Variants in SCAPER observed in about 807,000 individuals in gnomAD.
SCAPER encodes the protein S phase cyclin A-associated protein in the endoplasmic reticulum.
A neutral mutation model predicts 182.2 loss-of-function variants in SCAPER; 98 were observed. That is an observed-to-expected ratio of 0.54 (90% CI 0.46 to 0.64). The LOEUF is 0.64. SCAPER is among the 30% of genes least tolerant of loss of function. The pLI, the probability that SCAPER is intolerant of heterozygous loss-of-function variation, is 0.00. For synonymous variants in SCAPER, 605 were observed against 564.6 expected, an observed-to-expected ratio of 1.07 and a Z score of -1.01; for missense variants, 1,432 against 1,690.0, an observed-to-expected ratio of 0.85 and a Z score of 2.68.
rs2072337886 is a variant in SCAPER, at chr15:76,866,877, C to T, written c.7-4344G>A. On this transcript the variant is annotated intron_variant, in intron 2 of 31. Transcript: ENST00000563290. Reference sequence around the variant, plus strand: ...GTTCTTTTCTCACAGGAGTCTTCAACAAAATATGTGTATTTTCATCCAAAG... The same window carrying T: ...GTTCTTTTCTCACAGGAGTCTTCAATAAAATATGTGTATTTTCATCCAAAG... Among the ~76,000 whole-genome samples, 5 of 151,968 alleles carry T rather than the reference C, an allele frequency of 3.3e-5. No individual in the cohort carries two copies. In the South Asian group the frequency reaches 1.0e-3, roughly 31 times the overall value.
chr15:76,549,917 GTA>G (rs2045615794), intron 23 of SCAPER, among the ~76,000 whole-genome samples: 1 of 152,056 alleles, frequency 6.6e-6, no homozygotes, highest in African/African-American at 2.4e-5. Context: ...TTTTTGAAGA[GTA>G]TCTCAAAAAC....
chr15:76,876,977 T>A (rs1239469608), intron 2 of SCAPER, among the ~76,000 whole-genome samples: 3 of 152,180 alleles, frequency 2.0e-5, no homozygotes, highest in Non-Finnish European at 4.4e-5. Context: ...GGCTCACAAC[T>A]GTAATCCCAA....
chr15:76,504,801 T>C lies in SCAPER; in HGVS notation c.2954+58A>G, dbSNP rs2041437377. The C allele has an allele frequency of 8.0e-6, 11 of 1,378,308 alleles. No individual in the cohort carries two copies. In the Middle Eastern group the frequency reaches 7.2e-4, roughly 91 times the overall value. The allele number at this position is 1,378,308 out of a possible 1,614,324, so 85.4% of individuals were successfully genotyped here. A position where few individuals can be genotyped will look rare whatever the true frequency, so the allele number is the denominator to read the frequency against. ...CTTGTGGTTCTCCATATGGAAACCA[T>C]AGGGCAGAAATGACTCACAAATGAA... On this transcript the variant is annotated intron_variant, in intron 24 of 31. Coordinates refer to ENST00000563290, the MANE Select transcript of SCAPER (RefSeq NM_020843.4).
intron 15 of SCAPER, among the ~76,000 whole-genome samples, chr15:76,742,772 G>GA (rs962238273): frequency 3.3e-5 from 5 of 151,146 alleles, no homozygotes; most frequent in Admixed American, 2.6e-4. Flanking sequence ...AGCATACATG[G>GA]AAAAAAAACA....
intron 23 of SCAPER, among the ~76,000 whole-genome samples, chr15:76,567,567 T>C (rs1180305838): frequency 6.6e-6 from 1 of 152,202 alleles, no homozygotes; most frequent in Non-Finnish European, 1.5e-5. Context: ...ATTTTTGTCA[T>C]TCTGATAAGT....
chr15:76,809,041 C>A (rs2066397715), intron 5 of SCAPER, among the ~76,000 whole-genome samples: 1 of 152,066 alleles, frequency 6.6e-6, no homozygotes, highest in Non-Finnish European at 1.5e-5. Flanking sequence ...ACTTGGCATA[C>A]CCTAATCTGG....
At chr15:76,574,982 C>T (rs914417708) in intron 22 of SCAPER, among the ~76,000 whole-genome samples, 2 of 152,118 alleles carry the variant, frequency 1.3e-5, no homozygotes, top group Non-Finnish European at 2.9e-5. Flanking sequence ...TATATATCAT[C>T]CCCGTTGCCT....
At chr15:76,775,428 T>C (rs2063691664) in intron 8 of SCAPER, among the ~76,000 whole-genome samples, 1 of 152,176 alleles carries the variant, frequency 6.6e-6, no homozygotes, top group Non-Finnish European at 1.5e-5. Context: ...ATATTATATC[T>C]CTTTTAATCT....
chr15:76,443,750 T>A (rs206205), intron 25 of SCAPER, among the ~76,000 whole-genome samples: 4 of 152,024 alleles, frequency 2.6e-5, no homozygotes, highest in African/African-American at 9.7e-5. Context: ...CCAGCTCAGC[T>A]GCAGACAAGA....
intron 22 of SCAPER, among the ~76,000 whole-genome samples, chr15:76,608,711 A>T (rs2050695023): frequency 6.6e-6 from 1 of 152,092 alleles, no homozygotes; most frequent in African/African-American, 2.4e-5. Context: ...TCAAACAACT[A>T]ATTCGGCAAT....
intron 24 of SCAPER, among the ~76,000 whole-genome samples, chr15:76,478,693 A>G (rs1171709024): frequency 6.6e-6 from 1 of 152,122 alleles, no homozygotes; most frequent in Non-Finnish European, 1.5e-5. Flanking sequence ...TCCTTTCTCC[A>G]CTGGTTTGAA....
intron 21 of SCAPER, among the ~76,000 whole-genome samples, chr15:76,648,273 G>T (rs1312935336): frequency 6.7e-6 from 1 of 150,312 alleles, no homozygotes; most frequent in Admixed American, 6.6e-5. Flanking sequence ...TATAACACAT[G>T]AAATAAAAAC....
At chr15:76,583,141 A>G (rs1212762392) in intron 22 of SCAPER, among the ~76,000 whole-genome samples, 1 of 152,136 alleles carries the variant, frequency 6.6e-6, no homozygotes, top group Non-Finnish European at 1.5e-5. Flanking sequence ...TCACGAGGTC[A>G]GGAGTTTGAG....
chr15:76,404,770 G>A, intron 26 of SCAPER, 91 bp from the exon 27 acceptor site: 1 of 1,312,922 alleles, frequency 7.6e-7, no homozygotes, highest in South Asian at 1.6e-5. Context: ...CACAGGCTTG[G>A]ACCCCTCAAA....
chr15:76,588,312 T>C (rs970308581), intron 22 of SCAPER, among the ~76,000 whole-genome samples: 55 of 152,334 alleles, frequency 3.6e-4, no homozygotes, highest in African/African-American at 1.2e-3. Context: ...TTGTGATATT[T>C]TCCTGTTGTA....
At chr15:76,887,023 A>AG (rs1158011232) in intron 1 of SCAPER, among the ~76,000 whole-genome samples, 1 of 152,154 alleles carries the variant, frequency 6.6e-6, no homozygotes, top group African/African-American at 2.4e-5. Context: ...GGGAGGAGGG[A>AG]GGGGGTGAGG....
chr15:76,623,497 T>C (rs2052290814), intron 21 of SCAPER, among the ~76,000 whole-genome samples: 2 of 152,196 alleles, frequency 1.3e-5, no homozygotes, highest in African/African-American at 4.8e-5. Flanking sequence ...ATTTATTAAA[T>C]GGGGAGTCCT....
intron 27 of SCAPER, among the ~76,000 whole-genome samples, chr15:76,392,713 T>G (rs1057025749): frequency 1.4e-4 from 22 of 152,212 alleles, no homozygotes; most frequent in Non-Finnish European, 1.5e-5. Flanking sequence ...ATCACTCTTC[T>G]GCACGCTGCC....
chr15:76,608,291 C>G (rs2050641416), intron 22 of SCAPER, among the ~76,000 whole-genome samples: 1 of 152,228 alleles, frequency 6.6e-6, no homozygotes, highest in Non-Finnish European at 1.5e-5. Context: ...ACTCCAGACA[C>G]TGTTTGCCTG....
Sources: allele counts gnomAD v4.1 joint callset (sites outside exome capture counted in the v4.1 genomes callset), GRCh38; gene constraint gnomAD v4.1.1; transcripts MANE v1.5; gene names NCBI Gene and HGNC (gene_info 2026-07-23, HGNC 2026-07-21).